Variants in KSR1 observed in about 807,000 individuals in gnomAD.
KSR1 encodes kinase suppressor of ras 1, also known as kinase suppressor of ras.
KSR1 carries 35 observed loss-of-function variants against 92.9 expected under a neutral mutation model. That is an observed-to-expected ratio of 0.38 (90% CI 0.29 to 0.50). The LOEUF (loss-of-function observed/expected upper bound fraction) is 0.50. Among genes scored for constraint, KSR1 ranks in the 20% least tolerant of loss-of-function variants. The pLI, the probability that KSR1 is intolerant of heterozygous loss-of-function variation, is 0.94. For missense variants in KSR1, 972 were observed against 1,158.5 expected, an observed-to-expected ratio of 0.84 and a Z score of 2.34; for synonymous variants, 467 against 472.6, an observed-to-expected ratio of 0.99 and a Z score of 0.15.
At chr17:27,614,999 C>A (rs1298839016) in intron 18 of KSR1, among the ~76,000 whole-genome samples, 1 of 152,222 alleles carries the variant, frequency 6.6e-6, no homozygotes, top group Non-Finnish European at 1.5e-5. Context: ...GTATAGTTCA[C>A]CACCAGGCAC....
chr17:27,592,589 C>A lies in KSR1; in HGVS notation c.1262C>A (p.Pro421His). The A allele has an allele frequency of 6.2e-7, 1 of 1,613,898 alleles. No individual in the cohort carries two copies. ...AACCCGGTGGACAGAGCAGCCGAAC[C>A]CCATTTTGGAACCCTCCCCAAAGCA... ...INNPVDRAAE[P>H]HFGTLPKALT... Residue 421 changes from proline to histidine, a missense_variant, in exon 9 of 21, where the codon CCC (proline) becomes CAC (histidine). By Grantham distance (77) the Pro-to-His change is moderately conservative. This residue lies in a region of KSR1 where 611 missense variants were observed against 668.0 expected (regional missense o/e 0.91). Coordinates refer to ENST00000644974, the MANE Select transcript of KSR1 (RefSeq NM_001394583.1).
chr17:27,484,678 G>A (rs1378373941), intron 1 of KSR1, among the ~76,000 whole-genome samples: 1 of 151,614 alleles, frequency 6.6e-6, no homozygotes, highest in East Asian at 1.9e-4. Flanking sequence ...TTGAGGTCCT[G>A]CGAGGGAGGG....
At chr17:27,592,892 T>C (rs949570811) in intron 9 of KSR1, among the ~76,000 whole-genome samples, 4 of 152,236 alleles carry the variant, frequency 2.6e-5, no homozygotes, top group African/African-American at 9.6e-5. Context: ...CTTCTTCCAT[T>C]GCTGTTTCAT....
intron 1 of KSR1, among the ~76,000 whole-genome samples, chr17:27,516,765 G>A (rs2069814610): frequency 6.6e-6 from 1 of 152,138 alleles, no homozygotes; most frequent in Non-Finnish European, 1.5e-5. Flanking sequence ...TGAGCCAAAT[G>A]TGAAGACCAT....
intron 1 of KSR1, among the ~76,000 whole-genome samples, chr17:27,537,211 T>C (rs1387316741): frequency 6.6e-6 from 1 of 152,220 alleles, no homozygotes; most frequent in Non-Finnish European, 1.5e-5. Context: ...CAGCATCAAC[T>C]GAATCAGGGT....
At position 27,577,976 on chromosome 17, in the gene KSR1, C is replaced by G. The variant is rs771256183; in HGVS notation, c.520+337C>G. 4.8e-6 allele frequency: 2 copies of G among 419,672 alleles called. No homozygotes were observed. Among genetic ancestry groups the G allele is most frequent in the African/African-American group, 2.0e-5 (1 of 48,904 alleles). The allele number at this position is 419,672 out of a possible 1,614,324, so 26.0% of individuals were successfully genotyped here. ...GCTTCCCACATTCCAGCCCCCAGCC[C>G]TCTCCCCGTCTTCTCCTGTCCCCAT... On this transcript the variant is annotated intron_variant, in intron 3 of 20. Transcript: ENST00000644974. This position sits in a 1 kb window ranked among gnomAD's most constrained non-coding sequence, Gnocchi z 4.5.
intron 1 of KSR1, among the ~76,000 whole-genome samples, chr17:27,535,332 AT>A (rs2070716788): frequency 6.6e-6 from 1 of 152,178 alleles, no homozygotes; most frequent in African/African-American, 2.4e-5. Context: ...GCGACCAAGT[AT>A]CCATAAGATA....
At chr17:27,604,501 AG>A (rs2073681421) in intron 12 of KSR1, among the ~76,000 whole-genome samples, 178 bp from the exon 13 acceptor site, 1 of 152,170 alleles carries the variant, frequency 6.6e-6, no homozygotes, top group Non-Finnish European at 1.5e-5. Flanking sequence ...AGGCTGCACA[AG>A]GGGCAGGTCT....
intron 1 of KSR1, among the ~76,000 whole-genome samples, chr17:27,483,404 G>A (rs1048684844): frequency 6.6e-6 from 1 of 152,022 alleles, no homozygotes; most frequent in Non-Finnish European, 1.5e-5. Context: ...CCTGATCAAC[G>A]TGGAGAAACC....
At chr17:27,578,304 C>T (rs2072604941) in intron 3 of KSR1, 2 of 155,096 alleles carry the variant, frequency 1.3e-5, no homozygotes, top group Admixed American at 1.2e-4. Flanking sequence ...GTCTTATCTC[C>T]GTCTGCCTGA....
At chr17:27,475,703 T>G (rs752324050) in intron 1 of KSR1, among the ~76,000 whole-genome samples, 1 of 152,126 alleles carries the variant, frequency 6.6e-6, no homozygotes, top group Admixed American at 6.5e-5. Context: ...CAAAACAGAA[T>G]GTATGAGGCT....
intron 1 of KSR1, among the ~76,000 whole-genome samples, chr17:27,490,590 C>T (rs2068792496): frequency 1.3e-5 from 2 of 152,148 alleles, no homozygotes; most frequent in African/African-American, 4.8e-5. Flanking sequence ...CCTGGGGGGT[C>T]TTCCTGCTGG....
chr17:27,604,714 G>A lies in KSR1; in HGVS notation c.1600G>A (p.Ala534Thr). 3 of 1,614,052 alleles carry A rather than the reference G, an allele frequency of 1.9e-6. No individual in the cohort carries two copies. Among genetic ancestry groups the A allele is most frequent in the Non-Finnish European group, 2.5e-6 (3 of 1,179,890 alleles). Residue 534 changes from alanine to threonine, a missense_variant, in exon 13 of 21, where the codon GCT becomes ACT. By Grantham distance (58) the Ala-to-Thr change is moderately conservative (BLOSUM62 0). Coordinates refer to ENST00000644974, the MANE Select transcript of KSR1 (RefSeq NM_001394583.1). ...CCAGCCGAAAGCAGATGTGTTGGAAGCTCACGAAGCGGAGGTGAGGGTGAC... is the reference window on the plus strand; with the variant it reads ...CCAGCCGAAAGCAGATGTGTTGGAAACTCACGAAGCGGAGGTGAGGGTGAC... ...DDQPKADVLE[A>T]HEAEAEEPEA...
intron 1 of KSR1, among the ~76,000 whole-genome samples, chr17:27,508,804 A>G (rs1275505578): frequency 6.6e-6 from 1 of 151,610 alleles, no homozygotes; most frequent in Non-Finnish European, 1.5e-5. Context: ...ATCTCGGCTC[A>G]TTGTAACCTC....
At chr17:27,617,044 A>G (rs1168801560) in intron 18 of KSR1, among the ~76,000 whole-genome samples, 1 of 152,056 alleles carries the variant, frequency 6.6e-6, no homozygotes, top group Non-Finnish European at 1.5e-5. Flanking sequence ...GGTTACTCTT[A>G]TTTTGGGGTG....
At chr17:27,529,008 A>G (rs936429741) in intron 1 of KSR1, among the ~76,000 whole-genome samples, 1 of 152,228 alleles carries the variant, frequency 6.6e-6, no homozygotes, top group Non-Finnish European at 1.5e-5. Flanking sequence ...TTCAGTTTGG[A>G]TAACATTTTA....
chr17:27,531,017 C>A (rs1490351740), intron 1 of KSR1, among the ~76,000 whole-genome samples: 1 of 152,232 alleles, frequency 6.6e-6, no homozygotes, highest in African/African-American at 2.4e-5. Flanking sequence ...GTTGTTTGCA[C>A]TGTGTCCCTC....
intron 10 of KSR1, 60 bp downstream of exon 10, chr17:27,597,496 A>G (rs1371738554): frequency 7.9e-6 from 12 of 1,515,210 alleles, no homozygotes; most frequent in Non-Finnish European, 9.8e-6. Context: ...CCTTCTCAGC[A>G]GACCCAAGTT....
At chr17:27,580,586 A>G (rs907033697) in intron 3 of KSR1, among the ~76,000 whole-genome samples, 1 of 152,046 alleles carries the variant, frequency 6.6e-6, no homozygotes, top group Non-Finnish European at 1.5e-5. Flanking sequence ...GCTGAGATCG[A>G]TGTTTTCAAT....
Sources: gnomAD v4.1 joint callset for allele counts (sites outside exome capture counted in the v4.1 genomes callset) on GRCh38, gnomAD v4.1.1 for gene constraint, gnomAD v4.1.1 regional missense constraint, Gnocchi (gnomAD v3.1) non-coding constraint, MANE v1.5 for transcripts, NCBI Gene and HGNC (gene_info 2026-07-23, HGNC 2026-07-21) for gene names.